The following CTNNA3 variants were observed in gnomAD, a reference collection of about 807,000 sequenced individuals.
The protein encoded by CTNNA3 is catenin alpha 3.
A neutral mutation model predicts 95.7 loss-of-function variants in CTNNA3; 76 were observed. The observed-to-expected ratio is 0.79, with a 90% confidence interval of 0.66 to 0.96. CTNNA3 has a LOEUF of 0.96. Ranked by LOEUF, CTNNA3 falls within the 40% of genes least tolerant of loss-of-function variation. The pLI is 0.00. For synonymous variants in CTNNA3, 431 were observed against 374.4 expected (o/e 1.15, Z -1.74); for missense variants, 1,191 against 1,089.8 (o/e 1.09, Z -1.31).
intron 11 of CTNNA3, among the ~76,000 whole-genome samples, chr10:66,414,636 T>C (rs1451156392): frequency 1.3e-5 from 2 of 152,110 alleles, no homozygotes; most frequent in Admixed American, 1.3e-4. Context: ...TACAGCAAGA[T>C]GCCATTTTAG....
intron 15 of CTNNA3, among the ~76,000 whole-genome samples, chr10:66,013,723 T>C (rs1993852): frequency 6.6e-6 from 1 of 151,960 alleles, no homozygotes; most frequent in South Asian, 2.1e-4. Flanking sequence ...CACCACATTG[T>C]CAAAAAATAC....
At chr10:67,025,153 A>AAAGGAAGGAAGGAAGGAAGGAAGGAAGG (rs1221696371) in intron 7 of CTNNA3, among the ~76,000 whole-genome samples, 24 of 149,348 alleles carry the variant, frequency 1.6e-4, no homozygotes, top group African/African-American at 5.8e-4. Flanking sequence ...AAAAAGAAAG[A>AAAGGAAGGAAGGAAGGAAGGAAGGAAGG]AAGGAAGGAA....
chr10:65,920,699 G>A, intron 17 of CTNNA3, 82 bp from the exon 18 acceptor site: 5 of 1,444,868 alleles, frequency 3.5e-6, no homozygotes, highest in Non-Finnish European at 4.7e-6. Flanking sequence ...GGTGGCATGT[G>A]CCCGTTGCCC....
At chr10:66,343,533 A>G (rs10997071) in intron 12 of CTNNA3, among the ~76,000 whole-genome samples, 21,856 of 151,870 alleles carry the variant, frequency 0.14, 1,794 homozygotes, top group East Asian at 0.24. Context: ...AAAAAAGTTG[A>G]TCTCATAGAA....
At chr10:65,994,291 A>G (rs2078602651) in intron 15 of CTNNA3, among the ~76,000 whole-genome samples, 1 of 152,194 alleles carries the variant, frequency 6.6e-6, no homozygotes, top group South Asian at 2.1e-4. Flanking sequence ...ACTTTCAGAT[A>G]TAAGAACCCT....
At chr10:65,986,326 C>A (rs1266151356) in intron 16 of CTNNA3, among the ~76,000 whole-genome samples, 1 of 143,312 alleles carries the variant, frequency 7.0e-6, no homozygotes, top group African/African-American at 2.6e-5. Context: ...AAGGCTCTAC[C>A]AAAAAAAAAA....
chr10:67,306,055 C>T (rs1486162589), intron 5 of CTNNA3, among the ~76,000 whole-genome samples: 1 of 151,914 alleles, frequency 6.6e-6, no homozygotes, highest in Non-Finnish European at 1.5e-5. Context: ...AACTAGAAGT[C>T]AAATAAGCAA....
chr10:66,116,592 A>C (rs1159580913), intron 13 of CTNNA3, among the ~76,000 whole-genome samples: 2 of 152,202 alleles, frequency 1.3e-5, no homozygotes, highest in African/African-American at 4.8e-5. Context: ...TGGATCTAAA[A>C]ATAATTATAC....
At chr10:66,764,846 A>G (rs1054636232) in intron 9 of CTNNA3, among the ~76,000 whole-genome samples, 1 of 152,240 alleles carries the variant, frequency 6.6e-6, no homozygotes, top group Non-Finnish European at 1.5e-5. Context: ...TCAATTAATT[A>G]AAAATTATCC....
At chr10:66,640,181 C>T (rs930658911) in intron 9 of CTNNA3, among the ~76,000 whole-genome samples, 24 of 152,142 alleles carry the variant, frequency 1.6e-4, no homozygotes, top group African/African-American at 5.8e-4. Flanking sequence ...TGTCTTTTCT[C>T]CCCTCTATTG....
chr10:66,660,484 G>A (rs1223241901), intron 9 of CTNNA3, among the ~76,000 whole-genome samples: 1 of 152,188 alleles, frequency 6.6e-6, no homozygotes, highest in Non-Finnish European at 1.5e-5. Flanking sequence ...GTGCTAGAGA[G>A]ACAAAGTTAT....
intron 7 of CTNNA3, among the ~76,000 whole-genome samples, chr10:67,052,987 T>C (rs774425100): frequency 2.0e-5 from 3 of 152,228 alleles, no homozygotes; most frequent in African/African-American, 4.8e-5. Flanking sequence ...ACACTGACTA[T>C]GTGTTTCAGT....
At chr10:67,001,313 GA>G (rs1032315725) in intron 7 of CTNNA3, among the ~76,000 whole-genome samples, 4 of 139,430 alleles carry the variant, frequency 2.9e-5, no homozygotes, top group East Asian at 2.1e-4. Context: ...AAAAAAAAAA[GA>G]AAAAAAAAGA....
intron 4 of CTNNA3, among the ~76,000 whole-genome samples, chr10:67,538,391 T>C (rs972631451): frequency 1.3e-5 from 2 of 151,570 alleles, no homozygotes; most frequent in Admixed American, 6.6e-5. Context: ...CTGGCCAACA[T>C]AGTGAAACCC....
chr10:66,372,436 C>T (rs995763982), intron 12 of CTNNA3, among the ~76,000 whole-genome samples: 3 of 152,030 alleles, frequency 2.0e-5, no homozygotes, highest in Admixed American at 6.6e-5. Context: ...GATACAAGAC[C>T]TCTGGAACAC....
At chr10:67,686,064 C>G (rs1840725286) in intron 1 of CTNNA3, among the ~76,000 whole-genome samples, 1 of 152,220 alleles carries the variant, frequency 6.6e-6, no homozygotes, top group Non-Finnish European at 1.5e-5. Flanking sequence ...TATGCAATAA[C>G]TCCAGGGTTT....
intron 13 of CTNNA3, among the ~76,000 whole-genome samples, chr10:66,187,271 C>A (rs2086395810): frequency 6.6e-6 from 1 of 151,752 alleles, no homozygotes; most frequent in Admixed American, 6.6e-5. Context: ...GAATTAGCAG[C>A]AATTGTTAAA....
intron 13 of CTNNA3, among the ~76,000 whole-genome samples, chr10:66,202,681 A>T (rs948035487): frequency 7.9e-5 from 12 of 152,128 alleles, no homozygotes; most frequent in Non-Finnish European, 1.6e-4. Context: ...TTGATTTTTT[A>T]AAAATCTTAT....
At chr10:67,737,264 A>G (rs1424693048) in intron 1 of CTNNA3, among the ~76,000 whole-genome samples, 1 of 152,200 alleles carries the variant, frequency 6.6e-6, no homozygotes, top group East Asian at 1.9e-4. Flanking sequence ...ATCAATGAAT[A>G]AATTAAGAAA....
Sources: allele counts gnomAD v4.1 joint callset (sites outside exome capture counted in the v4.1 genomes callset), GRCh38; gene constraint gnomAD v4.1.1; transcripts MANE v1.5; gene names NCBI Gene and HGNC (gene_info 2026-07-23, HGNC 2026-07-21).